Variants in LMNA observed in about 807,000 individuals in gnomAD.
The protein encoded by LMNA is lamin A/C, also known as lamin.
A neutral mutation model predicts 70.4 loss-of-function variants in LMNA; 20 were observed. The observed-to-expected ratio is 0.28, with a 90% CI of 0.20 to 0.41. The LOEUF (loss-of-function observed/expected upper bound fraction) is 0.41. Among genes scored for constraint, LMNA ranks in the 10% least tolerant of loss-of-function variants. The pLI is 1.00. For missense variants in LMNA, 652 were observed against 917.2 expected, an observed-to-expected ratio of 0.71 and a Z score of 3.73; for synonymous variants, 339 against 372.8, an observed-to-expected ratio of 0.91 and a Z score of 1.04.
chr1:156,123,936 C>G (rs1040825534), intron 1 of LMNA, among the ~76,000 whole-genome samples: 2 of 152,222 alleles, frequency 1.3e-5, no homozygotes, highest in African/African-American at 2.4e-5. Context: ...CTATCCCTCT[C>G]TCAGCACCAG....
intron 1 of LMNA, among the ~76,000 whole-genome samples, chr1:156,128,790 C>G (rs1650800381): frequency 6.6e-6 from 1 of 152,234 alleles, no homozygotes; most frequent in South Asian, 2.1e-4. Flanking sequence ...TTCTAGTTCT[C>G]TAAATTCTGA....
intron 3 of LMNA, among the ~76,000 whole-genome samples, chr1:156,105,140 A>G (rs1484917214): frequency 1.3e-5 from 2 of 152,180 alleles, no homozygotes; most frequent in Non-Finnish European, 2.9e-5. Context: ...GGCTCTTGGC[A>G]TGCTGTGCAA....
intron 3 of LMNA, among the ~76,000 whole-genome samples, chr1:156,099,047 G>A (rs1374940081): frequency 6.6e-6 from 1 of 152,158 alleles, no homozygotes; most frequent in Non-Finnish European, 1.5e-5. Context: ...GCACAGGGAG[G>A]TGACAACTCA....
intron 1 of LMNA, among the ~76,000 whole-genome samples, chr1:156,123,913 G>A (rs564371098): frequency 6.6e-6 from 1 of 152,298 alleles, no homozygotes; most frequent in African/African-American, 2.4e-5. Context: ...GTCTGAACAT[G>A]TCAACAGGCT....
chr1:156,122,309 G>A (rs113259981), intron 1 of LMNA, among the ~76,000 whole-genome samples: 13 of 152,048 alleles, frequency 8.5e-5, no homozygotes, highest in Admixed American at 2.0e-4. Flanking sequence ...GGATTGGAGC[G>A]GAAAGTCTCC....
chr1:156,118,581 C>T (rs938999197), intron 1 of LMNA, among the ~76,000 whole-genome samples: 2 of 152,174 alleles, frequency 1.3e-5, no homozygotes, highest in African/African-American at 2.4e-5. Context: ...AAAGGGGACT[C>T]AGACTGGGGT....
rs1651651236 is a variant in LMNA at position 156,136,479 on chromosome 1, G to A, written c.1380+43G>A. On this transcript the variant is annotated intron_variant, in intron 7 of 11. Transcript: ENST00000368300. The surrounding 1 kb of genome is among the most constrained non-coding windows in gnomAD (Gnocchi z 6.1). ...GTCTAAGGGGATACAGCTGCATCAG[G>A]GAGAGAGTGGCAAGACAGAAGGATG... 4.6e-6 allele frequency: 7 copies of A among 1,522,004 alleles called. No individual in the cohort carries two copies. The highest frequency in any genetic ancestry group is 5.3e-6 in the Non-Finnish European group (6 of 1,124,534). 94.3% of individuals were successfully genotyped at this position (1,522,004 alleles called of 1,614,324 possible). A position where few individuals can be genotyped will look rare whatever the true frequency, so the allele number is the denominator to read the frequency against.
At position 156,139,044 on chromosome 1, in the gene LMNA, G is replaced by A. The variant is rs575857249; in HGVS notation, c.1969-36G>A. 2.4e-5 allele frequency: 38 copies of A among 1,612,158 alleles called. 1 individual carries two copies. The South Asian group carries it at 3.7e-4, about 16-fold the overall frequency. On this transcript the variant is annotated intron_variant, in intron 11 of 11. Transcript: ENST00000368300. ...GAGGGAGGGTCTGGGTCCAGGCCCT[G>A]CTGCTCACACCTCTCTCCTCTGTTT...
At chr1:156,102,615 T>G (rs574525392) in intron 3 of LMNA, among the ~76,000 whole-genome samples, 6 of 152,132 alleles carry the variant, frequency 3.9e-5, no homozygotes, top group African/African-American at 7.2e-5. Context: ...GCCCACCCAG[T>G]GCTCATCTCC....
chr1:156,128,458 G>A (rs899153289), intron 1 of LMNA, among the ~76,000 whole-genome samples: 1 of 152,204 alleles, frequency 6.6e-6, no homozygotes, highest in African/African-American at 2.4e-5. Flanking sequence ...CAGGACTAGG[G>A]AAAAGGTGCC....
chr1:156,125,881 G>C (rs1215958310), intron 1 of LMNA, among the ~76,000 whole-genome samples: 1 of 151,500 alleles, frequency 6.6e-6, no homozygotes, highest in Admixed American at 6.6e-5. Context: ...CCAGCTACTC[G>C]GGAGGCTGAG....
chr1:156,132,454 A>G (rs1035148199), intron 2 of LMNA, among the ~76,000 whole-genome samples: 2 of 152,204 alleles, frequency 1.3e-5, no homozygotes, highest in Non-Finnish European at 2.9e-5. Flanking sequence ...TAGGCAACAG[A>G]GCGAGACTCC....
At chr1:156,097,232 G>A (rs1342722410) in intron 3 of LMNA, among the ~76,000 whole-genome samples, 4 of 152,164 alleles carry the variant, frequency 2.6e-5, no homozygotes, top group Non-Finnish European at 5.9e-5. Flanking sequence ...TGGCAAGCTG[G>A]GGACTCCTGG....
intron 1 of LMNA, among the ~76,000 whole-genome samples, chr1:156,124,461 G>C (rs1225512068): frequency 6.6e-6 from 1 of 152,108 alleles, no homozygotes; most frequent in African/African-American, 2.4e-5. Flanking sequence ...GCTAATTTTT[G>C]TATTTTTAGT....
chr1:156,091,512 G>A (rs1648702013), intron 3 of LMNA, among the ~76,000 whole-genome samples: 1 of 152,160 alleles, frequency 6.6e-6, no homozygotes, highest in Admixed American at 6.5e-5. Flanking sequence ...TGAGGCAGGA[G>A]AATCTCTTGA....
chr1:156,084,418 C>T (rs1301783140), intron 2 of LMNA, among the ~76,000 whole-genome samples: 3 of 150,172 alleles, frequency 2.0e-5, no homozygotes, highest in Non-Finnish European at 4.4e-5. Flanking sequence ...GACTGAGGAA[C>T]CCGGGAGGGT....
intron 1 of LMNA, chr1:156,126,802 G>A: frequency 3.7e-6 from 6 of 1,609,200 alleles, no homozygotes; most frequent in Non-Finnish European, 4.2e-6. Context: ...AGGCCACTGG[G>A]ATGCAGCCAC....
chr1:156,106,121 C>A (rs1224041644), intron 3 of LMNA, among the ~76,000 whole-genome samples: 5 of 149,554 alleles, frequency 3.3e-5, no homozygotes, highest in Non-Finnish European at 5.9e-5. Context: ...GGAGACACAG[C>A]GAGACTCCGT....
At chr1:156,088,410 A>G (rs1329513449) in intron 2 of LMNA, among the ~76,000 whole-genome samples, 1 of 152,224 alleles carries the variant, frequency 6.6e-6, no homozygotes, top group Non-Finnish European at 1.5e-5. Context: ...TGTAGGCCAC[A>G]CAAAAGAAAT....
Sources: allele counts gnomAD v4.1 joint callset (sites outside exome capture counted in the v4.1 genomes callset), GRCh38; gene constraint gnomAD v4.1.1; non-coding constraint Gnocchi (gnomAD v3.1); transcripts MANE v1.5; gene names NCBI Gene and HGNC (gene_info 2026-07-23, HGNC 2026-07-21).